GABRA1: variants seen among roughly 807,000 people sequenced by gnomAD.
GABRA1 encodes the protein gamma-aminobutyric acid type A receptor subunit alpha1.
A neutral mutation model predicts 48.9 loss-of-function variants in GABRA1; 9 were observed. The ratio of observed to expected loss-of-function variants is 0.18; its 90% CI spans 0.11 to 0.32. The LOEUF (loss-of-function observed/expected upper bound fraction) is 0.32. Ranked by LOEUF, GABRA1 falls within the 10% of genes least tolerant of loss-of-function variation. The pLI is 1.00. For synonymous variants in GABRA1, 210 were observed against 198.7 expected, an observed-to-expected ratio of 1.06 and a Z score of -0.48; for missense variants, 285 against 553.8, an observed-to-expected ratio of 0.51 and a Z score of 4.87.
intron 3 of GABRA1, among the ~76,000 whole-genome samples, chr5:161,856,113 T>C (rs1757634836): frequency 6.6e-6 from 1 of 151,274 alleles, no homozygotes; most frequent in African/African-American, 2.4e-5. Flanking sequence ...CAAATAAATT[T>C]TAGGTGAAAT....
intron 3 of GABRA1, among the ~76,000 whole-genome samples, chr5:161,856,377 C>T (rs1446054054): frequency 1.3e-5 from 2 of 151,256 alleles, no homozygotes; most frequent in Admixed American, 1.3e-4. Flanking sequence ...TAGTAGTTGT[C>T]CAAGTATAGA....
At chr5:161,871,259 A>G (rs1283415014) in intron 4 of GABRA1, among the ~76,000 whole-genome samples, 1 of 152,104 alleles carries the variant, frequency 6.6e-6, no homozygotes, top group African/African-American at 2.4e-5. Flanking sequence ...AATAAAATGA[A>G]CCAAAGGCTC....
At chr5:161,856,838 T>C (rs1381985590) in intron 3 of GABRA1, among the ~76,000 whole-genome samples, 1 of 151,302 alleles carries the variant, frequency 6.6e-6, no homozygotes, top group African/African-American at 2.4e-5. Context: ...TTTTAAGACA[T>C]CTTGAAAAAC....
intron 6 of GABRA1, among the ~76,000 whole-genome samples, chr5:161,876,261 G>C (rs1351874776): frequency 6.6e-6 from 1 of 152,020 alleles, no homozygotes. Context: ...GGTTTCAGCT[G>C]TTTGAAAATA....
chr5:161,894,054 A>C (rs1477712769), intron 8 of GABRA1, among the ~76,000 whole-genome samples: 1 of 152,202 alleles, frequency 6.6e-6, no homozygotes, highest in Non-Finnish European at 1.5e-5. Flanking sequence ...TTTTAAAAAA[A>C]TTGAATTTAT....
rs188260558 is a variant in GABRA1, at chr5:161,874,119, C to T, written c.476+782C>T. The stretch of plus-strand genomic sequence containing the variant: ...ACGAGTTTTTTACATTTGGTCAATA[C>T]ACAGTAATTCAGATTTTTCAATTAT... On this transcript the variant is annotated intron_variant, in intron 5 of 9. Transcript: ENST00000393943. Among the ~76,000 whole-genome samples, 12 of 152,192 alleles carry T rather than the reference C, an allele frequency of 7.9e-5. No homozygotes were observed. In the East Asian group the frequency reaches 1.9e-3, roughly 24 times the overall value.
intron 4 of GABRA1, among the ~76,000 whole-genome samples, chr5:161,871,072 G>A (rs1359289933): frequency 6.6e-6 from 1 of 151,476 alleles, no homozygotes; most frequent in Non-Finnish European, 1.5e-5. Context: ...CACAAATAAA[G>A]CTGGTGACAA....
At chr5:161,852,973 A>G (rs893974740) in intron 2 of GABRA1, among the ~76,000 whole-genome samples, 1 of 151,914 alleles carries the variant, frequency 6.6e-6, no homozygotes, top group Non-Finnish European at 1.5e-5. Flanking sequence ...AGTAACATCA[A>G]CACACAGGAA....
At chr5:161,851,037 G>A (rs1034191421) in intron 2 of GABRA1, among the ~76,000 whole-genome samples, 153 bp downstream of exon 2, 9 of 152,180 alleles carry the variant, frequency 5.9e-5, no homozygotes, top group African/African-American at 1.7e-4. Context: ...AAGAGGAGCA[G>A]TATGAAACAA....
At position 161,869,963 on chromosome 5, in the gene GABRA1, A is replaced by T. The variant is rs111443787; in HGVS notation, c.256-3154A>T. On this transcript the variant is annotated intron_variant, in intron 4 of 9. Transcript: ENST00000393943. ...TAAAGAGAAACACATTTTCATGACCAGCTACATAAAAACCTAATATAAATT... is the reference window on the plus strand; with the variant it reads ...TAAAGAGAAACACATTTTCATGACCTGCTACATAAAAACCTAATATAAATT... Among the ~76,000 whole-genome samples, 997 of 152,298 alleles carry T rather than the reference A, an allele frequency of 6.5e-3. 6 individuals carry two copies. Among genetic ancestry groups the T allele is most frequent in the African/African-American group, 0.022 (929 of 41,560 alleles).
At position 161,882,377 on chromosome 5, in the gene GABRA1, TA is replaced by T. The variant is rs11317877; in HGVS notation, c.560-169del. ...TTTGTTGGAAGAGTGAATAAATGAC[TA>T]AAAAAAAAAAATCAGAAAACGTGTT... On this transcript the variant is annotated intron_variant, in intron 6 of 9. Transcript: ENST00000393943. 371,712 of 458,480 alleles carry T rather than the reference TA, an allele frequency of 0.81. 142,550 individuals carry two copies. Among genetic ancestry groups the T allele is most frequent in the African/African-American group, 0.93 (45,948 of 49,440 alleles). 28.4% of individuals were successfully genotyped at this position (458,480 alleles called of 1,614,324 possible).
chr5:161,854,072 G>C lies in GABRA1; in HGVS notation c.75-86G>C, dbSNP rs78647049. The C allele has an allele frequency of 3.3e-3, 2,311 of 705,858 alleles. 44 individuals carry two copies. The African/African-American group carries it at 0.036, about 11-fold the overall frequency. 43.7% of individuals were successfully genotyped at this position (705,858 alleles called of 1,614,324 possible). A position where few individuals can be genotyped will look rare whatever the true frequency, so the allele number is the denominator to read the frequency against. ...TTAAGATTCAGTAGAAACCAAAGTA[G>C]AAAAACTGAGAAAGGATTTATTTGG... On this transcript the variant is annotated intron_variant, in intron 2 of 9. Coordinates refer to ENST00000393943, the MANE Select transcript of GABRA1 (RefSeq NM_001127644.2).
chr5:161,873,999 T>C (rs904571502), intron 5 of GABRA1, among the ~76,000 whole-genome samples: 10 of 152,142 alleles, frequency 6.6e-5, no homozygotes, highest in African/African-American at 2.4e-4. Context: ...AAAAAAGAGA[T>C]GTTTAAAAGT....
At chr5:161,887,952 C>T (rs779449482) in intron 7 of GABRA1, among the ~76,000 whole-genome samples, 2 of 152,118 alleles carry the variant, frequency 1.3e-5, no homozygotes, top group African/African-American at 2.4e-5. Context: ...GTATTTACCT[C>T]CAAGTAACTA....
chr5:161,866,732 C>T (rs1381760081), intron 4 of GABRA1, among the ~76,000 whole-genome samples: 2 of 151,998 alleles, frequency 1.3e-5, no homozygotes, highest in African/African-American at 4.8e-5. Flanking sequence ...CCTTTTTTGT[C>T]ATTTGACCCC....
intron 3 of GABRA1, among the ~76,000 whole-genome samples, 183 bp from the exon 4 acceptor site, chr5:161,865,538 T>C (rs1357109651): frequency 6.6e-6 from 1 of 152,120 alleles, no homozygotes; most frequent in Non-Finnish European, 1.5e-5. Flanking sequence ...TCATTCTCCA[T>C]AGAAAATATT....
chr5:161,865,365 T>A (rs1758010741), intron 3 of GABRA1, among the ~76,000 whole-genome samples: 1 of 152,128 alleles, frequency 6.6e-6, no homozygotes, highest in Admixed American at 6.6e-5. Flanking sequence ...TCTAGCCATG[T>A]AAAAATACTT....
rs1485579696 is a variant in GABRA1, at chr5:161,897,936, G to A, written c.*514G>A. On this transcript the variant is annotated 3_prime_UTR_variant, in exon 10 of 10. Transcript: ENST00000393943. ...TTTTTGTTTTGCTTTTTAAACTGAT[G>A]TATAGCTTTAACATTTTGTTTCCAA... 2 of 151,094 alleles carry A rather than the reference G, an allele frequency of 1.3e-5. No homozygotes were observed. Among genetic ancestry groups the A allele is most frequent in the Non-Finnish European group, 2.9e-5 (2 of 67,948 alleles). 9.4% of individuals were successfully genotyped at this position (151,094 alleles called of 1,614,324 possible). A position where few individuals can be genotyped will look rare whatever the true frequency, so the allele number is the denominator to read the frequency against.
At chr5:161,890,461 T>A (rs1042748707) in intron 7 of GABRA1, among the ~76,000 whole-genome samples, 1 of 152,116 alleles carries the variant, frequency 6.6e-6, no homozygotes, top group Non-Finnish European at 1.5e-5. Flanking sequence ...ACTGTCCTGA[T>A]GTACACGCCA....
Sources: allele counts gnomAD v4.1 joint callset (sites outside exome capture counted in the v4.1 genomes callset), GRCh38; gene constraint gnomAD v4.1.1; transcripts MANE v1.5; gene names NCBI Gene and HGNC (gene_info 2026-07-23, HGNC 2026-07-21).